The following DNAAF5 variants were observed in gnomAD, a reference collection of about 807,000 sequenced individuals.
The protein encoded by DNAAF5 is HEAT repeat containing 2.
Under a neutral mutation model 75.8 loss-of-function variants are expected in DNAAF5, and 64 were observed. The ratio of observed to expected loss-of-function variants is 0.84; its 90% CI spans 0.69 to 1.04. The LOEUF is 1.04. DNAAF5 is among the 50% of genes least tolerant of loss of function. DNAAF5 has a pLI of 0.00. For missense variants in DNAAF5, 1,269 were observed against 1,178.5 expected, an observed-to-expected ratio of 1.08 and a Z score of -1.12; for synonymous variants, 657 against 557.2, an observed-to-expected ratio of 1.18 and a Z score of -2.52.
At chr7:738,706 C>T (rs1466720193) in intron 2 of DNAAF5, among the ~76,000 whole-genome samples, 1 of 152,226 alleles carries the variant, frequency 6.6e-6, no homozygotes, top group Admixed American at 6.5e-5. Context: ...TTGCAGGTTT[C>T]TTATGATACT....
intron 8 of DNAAF5, among the ~76,000 whole-genome samples, chr7:767,671 A>G (rs1778362403): frequency 6.7e-6 from 1 of 149,708 alleles, no homozygotes; most frequent in Admixed American, 6.7e-5. Context: ...CCGTGCTGCA[A>G]GCAGGAACTC....
intron 2 of DNAAF5, among the ~76,000 whole-genome samples, chr7:737,037 C>T (rs1177796226): frequency 6.6e-6 from 1 of 151,796 alleles, no homozygotes; most frequent in African/African-American, 2.4e-5. Flanking sequence ...GTTGTTTTTA[C>T]TTATATCTTT....
At chr7:727,424 G>T in intron 1 of DNAAF5, 109 bp downstream of exon 1, 2 of 386,152 alleles carry the variant, frequency 5.2e-6, no homozygotes, top group Non-Finnish European at 3.5e-6. Flanking sequence ...CCCCCTCCAC[G>T]CCCGCACCCC....
At chr7:732,740 T>C (rs1366900732) in intron 2 of DNAAF5, among the ~76,000 whole-genome samples, 1 of 152,240 alleles carries the variant, frequency 6.6e-6, no homozygotes, top group Non-Finnish European at 1.5e-5. Flanking sequence ...TGTCAGTCCC[T>C]TGTCAGATGG....
chr7:748,414 A>G (rs1583489931), intron 4 of DNAAF5, among the ~76,000 whole-genome samples: 1 of 152,224 alleles, frequency 6.6e-6, no homozygotes, highest in African/African-American at 2.4e-5. Context: ...GCTTCTGTGC[A>G]CCCGTACGTC....
intron 1 of DNAAF5, 118 bp from the exon 2 acceptor site, chr7:729,545 G>A (rs952701315): frequency 1.8e-5 from 16 of 890,368 alleles, no homozygotes; most frequent in South Asian, 8.2e-5. Context: ...AGGACCTGGC[G>A]TAGGAGAGGA....
intron 2 of DNAAF5, among the ~76,000 whole-genome samples, chr7:733,299 A>G (rs1781640108): frequency 6.6e-6 from 1 of 152,156 alleles, no homozygotes; most frequent in Non-Finnish European, 1.5e-5. Flanking sequence ...TCGAGGTTCC[A>G]TATAAATTTA....
At chr7:756,015 G>A (rs1201510472) in intron 5 of DNAAF5, among the ~76,000 whole-genome samples, 4 of 101,436 alleles carry the variant, frequency 3.9e-5, no homozygotes, top group African/African-American at 1.2e-4. Context: ...TGTGTGATCC[G>A]GTGTGAAATC....
At chr7:773,244 C>G (rs1778632799) in intron 9 of DNAAF5, among the ~76,000 whole-genome samples, 1 of 152,374 alleles carries the variant, frequency 6.6e-6, no homozygotes, top group East Asian at 1.9e-4. Context: ...ATCTGCTCAT[C>G]TACCTGGCTG....
At chr7:764,069 C>A in intron 8 of DNAAF5, 95 bp downstream of exon 8, 1 of 1,364,704 alleles carries the variant, frequency 7.3e-7, no homozygotes, top group Non-Finnish European at 1.0e-6. Flanking sequence ...CGCCGACCAG[C>A]TGAGCTGTGG....
rs1781508734 is a variant in DNAAF5 at position 729,846 on chromosome 7, A to G, written c.779A>G (p.Gln260Arg). 6.2e-7 allele frequency: 1 copy of G among 1,614,070 alleles called. No individual in the cohort carries two copies. Among genetic ancestry groups the G allele is most frequent in the East Asian group, 2.2e-5 (1 of 44,888 alleles). Residue 260 changes from glutamine to arginine, a missense_variant and splice_region_variant, in exon 2 of 13, where the codon CAG (glutamine) becomes CGG (arginine). Gln to Arg is a conservative substitution (Grantham distance 43). Coordinates refer to ENST00000297440, the MANE Select transcript of DNAAF5 (RefSeq NM_017802.4). Reference sequence around the variant, plus strand: ...CAGCGACTGTTTGATGACGTCCCGCAGGTAACTGGTGTTTCTCCTGGACAG... The same window carrying G: ...CAGCGACTGTTTGATGACGTCCCGCGGGTAACTGGTGTTTCTCCTGGACAG... ...FAQRLFDDVP[Q>R]VRRAVASVVG...
At chr7:779,377 A>G (rs180796190) in intron 11 of DNAAF5, among the ~76,000 whole-genome samples, 206 of 152,328 alleles carry the variant, frequency 1.4e-3, no homozygotes, top group African/African-American at 4.7e-3. Context: ...TGCTGCACAG[A>G]AGGGGGTGCC....
chr7:770,552 GC>G lies in DNAAF5; in HGVS notation c.1867del (p.Leu623Ter). The G allele has an allele frequency of 6.2e-7, 1 of 1,613,896 alleles. No individual in the cohort carries two copies. The highest frequency in any genetic ancestry group is 1.1e-5 in the South Asian group (1 of 91,082). On this transcript the variant is annotated frameshift_variant, in exon 9 of 13. Coordinates refer to ENST00000297440, the MANE Select transcript of DNAAF5 (RefSeq NM_017802.4). LOFTEE classifies it high-confidence loss of function. The stretch of plus-strand genomic sequence containing the variant: ...CAGCCCTCCCAAGACCCGCAGATGC[GC>G]CTGAAGCTGTTCTCCATCCTGTCCA... ...CLQPSQDPQMRLKLFSILSTV... is the reference protein window; with the variant it reads ...CLQPSQDPQMXLKLFSILSTV...
At chr7:758,742 G>T (rs956357014) in intron 6 of DNAAF5, among the ~76,000 whole-genome samples, 1 of 152,042 alleles carries the variant, frequency 6.6e-6, no homozygotes, top group Non-Finnish European at 1.5e-5. Context: ...GAATGCAGTG[G>T]CGCAATCTTG....
intron 2 of DNAAF5, among the ~76,000 whole-genome samples, chr7:738,250 A>T (rs748102063): frequency 8.5e-5 from 13 of 152,110 alleles, no homozygotes; most frequent in African/African-American, 1.9e-4. Context: ...CTACGCCAGA[A>T]TTTCTGCTTG....
rs370516537 is a variant in DNAAF5 at position 729,694 on chromosome 7, C to G, written c.627C>G (p.Ile209Met). The G allele has an allele frequency of 8.1e-6, 13 of 1,613,928 alleles. No homozygotes were observed. The highest frequency in any genetic ancestry group is 1.1e-5 in the Non-Finnish European group (13 of 1,180,020). Reference protein sequence around the residue: ...DHFHMQSESLIGPLMQTISHQ... With the variant: ...DHFHMQSESLMGPLMQTISHQ... The stretch of plus-strand genomic sequence containing the variant: ...TCCACATGCAGTCGGAGTCTCTGAT[C>G]GGGCCCCTGATGCAGACCATCTCCC... The change falls in exon 2 of 13, where the codon ATC becomes ATG. Residue 209 changes from isoleucine to methionine, a missense_variant. Physicochemically the swap from Ile to Met is conservative, Grantham distance 10. Transcript: ENST00000297440.
chr7:783,487 G>C (rs573633311), intron 12 of DNAAF5, among the ~76,000 whole-genome samples: 4 of 152,294 alleles, frequency 2.6e-5, no homozygotes, highest in African/African-American at 9.6e-5. Flanking sequence ...TGGGGACCCC[G>C]AGGGCCTTGG....
At chr7:744,620 G>A (rs1184325158) in intron 4 of DNAAF5, among the ~76,000 whole-genome samples, 1 of 152,224 alleles carries the variant, frequency 6.6e-6, no homozygotes, top group East Asian at 1.9e-4. Context: ...TCTCACACCA[G>A]TTAGAATGGC....
chr7:772,908 G>A (rs556040562), intron 9 of DNAAF5: 3 of 150,824 alleles, frequency 2.0e-5, no homozygotes, highest in Non-Finnish European at 2.9e-5. Context: ...ATGCCCAGAA[G>A]TTCTGATGGA....
Sources: allele counts gnomAD v4.1 joint callset (sites outside exome capture counted in the v4.1 genomes callset), GRCh38; gene constraint gnomAD v4.1.1; transcripts MANE v1.5; gene names NCBI Gene and HGNC (gene_info 2026-07-23, HGNC 2026-07-21).